The following RBFOX2 variants were observed in gnomAD, a reference collection of about 807,000 sequenced individuals.
RBFOX2 encodes RNA binding protein fox-1 homolog 2.
A neutral mutation model predicts 49.1 loss-of-function variants in RBFOX2; 10 were observed. The observed-to-expected ratio is 0.20, with a 90% confidence interval of 0.13 to 0.35. The LOEUF (loss-of-function observed/expected upper bound fraction) is 0.35, where lower values mean the gene tolerates loss of function less well. Among genes scored for constraint, RBFOX2 ranks in the 10% least tolerant of loss-of-function variants. The pLI is 1.00. For synonymous variants in RBFOX2, 183 were observed against 187.4 expected, an observed-to-expected ratio of 0.98 and a Z score of 0.19; for missense variants, 323 against 486.9, an observed-to-expected ratio of 0.66 and a Z score of 3.17.
At chr22:36,013,004 T>C (rs185776516) in intron 1 of RBFOX2, among the ~76,000 whole-genome samples, 11 of 152,250 alleles carry the variant, frequency 7.2e-5, no homozygotes, top group Middle Eastern at 3.4e-3. Context: ...GACCTCGTGA[T>C]TCGCCCGCCT....
intron 1 of RBFOX2, chr22:35,998,020 C>T (rs1406901958): frequency 1.3e-5 from 2 of 152,042 alleles, no homozygotes; most frequent in Non-Finnish European, 2.9e-5. Flanking sequence ...AAAATAATGA[C>T]ATCTTTGTTA....
intron 2 of RBFOX2, among the ~76,000 whole-genome samples, chr22:35,782,575 C>A (rs1287381318): frequency 1.3e-5 from 2 of 152,236 alleles, no homozygotes; most frequent in Non-Finnish European, 2.9e-5. Flanking sequence ...CCCGCCTTGG[C>A]CTTCCAAAGT....
intron 1 of RBFOX2, among the ~76,000 whole-genome samples, chr22:35,920,600 A>G (rs528533613): frequency 3.7e-4 from 56 of 152,326 alleles, no homozygotes; most frequent in Non-Finnish European, 6.8e-4. Context: ...CACTCTGGAC[A>G]AATTGTTTAC....
chr22:35,913,295 T>C (rs5750199), intron 1 of RBFOX2, among the ~76,000 whole-genome samples: 11,558 of 152,070 alleles, frequency 0.076, 448 homozygotes, highest in South Asian at 0.086. Context: ...CTGGGCAACA[T>C]AGTGAGACTC....
At chr22:35,840,235 T>A in exon 1 of RBFOX2, 1 of 1,614,166 alleles carries the variant, frequency 6.2e-7, no homozygotes, top group Non-Finnish European at 8.5e-7. Context: ...AACGGATAGA[T>A]GATAAACCTT....
chr22:35,973,098 T>G (rs1259086140), intron 1 of RBFOX2, among the ~76,000 whole-genome samples: 1 of 152,178 alleles, frequency 6.6e-6, no homozygotes, highest in Non-Finnish European at 1.5e-5. Flanking sequence ...GTTTATAATC[T>G]ACAGGCAACA....
At chr22:36,015,202 T>C (rs2058986733) in intron 1 of RBFOX2, among the ~76,000 whole-genome samples, 1 of 152,056 alleles carries the variant, frequency 6.6e-6, no homozygotes, top group African/African-American at 2.4e-5. Flanking sequence ...TTAATAAGAG[T>C]CATGTATGAA....
At position 35,752,054 on chromosome 22, in the gene RBFOX2, AAAGGAGAAGAGGCC is replaced by A. The variant is rs368983192; in HGVS notation, c.888-5507_888-5494del. ...ATGAACTCACTGATCTTCTTAGGTG[AAAGGAGAAGAGGCC>A]AAGGGAAATGCATGTCTCAATGTTT... On this transcript the variant is annotated intron_variant, in intron 9 of 11. Coordinates refer to ENST00000405409, the Ensembl canonical transcript of RBFOX2. Among the ~76,000 whole-genome samples the A allele has an allele frequency of 7.9e-5, 12 of 152,348 alleles. No individual in the cohort carries two copies. The East Asian group carries it at 2.3e-3, about 29-fold the overall frequency.
chr22:35,857,857 A>G lies in RBFOX2; in HGVS notation c.-33-47853T>C, dbSNP rs573861788. On this transcript the variant is annotated intron_variant, in intron 1 of 13. Coordinates refer to the RBFOX2 transcript ENST00000359369. ...AACAGAGGATAAAAAGATTAAGCAT[A>G]ATCGTGTACTATTCACAAAAGCCAG... Among the ~76,000 whole-genome samples, 4 of 152,372 alleles carry G rather than the reference A, an allele frequency of 2.6e-5. No individual in the cohort carries two copies. The East Asian group carries it at 7.7e-4, about 29-fold the overall frequency.
At chr22:35,840,691 G>A (rs1267997096), upstream of RBFOX2, 4 of 914,714 alleles carry the variant, frequency 4.4e-6, no homozygotes, top group Non-Finnish European at 5.3e-6. Context: ...CAAGCGCCAT[G>A]TGCTGGCATA....
At chr22:35,792,360 GAAAAGA>G (rs1213070835) in intron 2 of RBFOX2, among the ~76,000 whole-genome samples, 2 of 114,446 alleles carry the variant, frequency 1.7e-5, no homozygotes, top group South Asian at 2.9e-4. Flanking sequence ...GAAAAGAAAA[GAAAAGA>G]AAAAGAAAAA....
At chr22:36,025,068 A>C (rs1278041303) in intron 1 of RBFOX2, among the ~76,000 whole-genome samples, 12 of 152,144 alleles carry the variant, frequency 7.9e-5, no homozygotes, top group Admixed American at 7.9e-4. Context: ...TCAGTCTCCC[A>C]AAGTGCTGGG....
At chr22:35,877,028 T>C (rs1459927567) in intron 1 of RBFOX2, among the ~76,000 whole-genome samples, 1 of 151,900 alleles carries the variant, frequency 6.6e-6, no homozygotes, top group Admixed American at 6.6e-5. Flanking sequence ...GAGGAAGGAG[T>C]AGGAGTACTT....
chr22:35,938,332 G>A (rs1475405812), intron 1 of RBFOX2, among the ~76,000 whole-genome samples: 4 of 152,130 alleles, frequency 2.6e-5, no homozygotes, highest in Admixed American at 2.6e-4. Context: ...ATAGGGCCTG[G>A]GCTTTTCCAG....
intron 1 of RBFOX2, chr22:35,836,434 T>G (rs1603370805): frequency 6.6e-6 from 1 of 152,398 alleles, no homozygotes; most frequent in East Asian, 1.9e-4. Context: ...GACTTCAGCC[T>G]TCCAGCTACA....
intron 1 of RBFOX2, among the ~76,000 whole-genome samples, chr22:35,905,429 A>T (rs2049019259): frequency 6.6e-6 from 1 of 152,322 alleles, no homozygotes; most frequent in African/African-American, 2.4e-5. Context: ...AAAACCATTT[A>T]AAAATGCCCA....
intron 1 of RBFOX2, among the ~76,000 whole-genome samples, chr22:35,852,061 AT>A (rs1357575946): frequency 7.1e-6 from 1 of 139,952 alleles, no homozygotes; most frequent in Non-Finnish European, 1.5e-5. Context: ...GTGAAAAGCA[AT>A]AAAAAAAACC....
At chr22:35,948,877 ATATT>A (rs2054603740) in intron 1 of RBFOX2, among the ~76,000 whole-genome samples, 1 of 152,120 alleles carries the variant, frequency 6.6e-6, no homozygotes, top group South Asian at 2.1e-4. Context: ...AGCATTAAGT[ATATT>A]TATATTGTTG....
chr22:35,878,042 ACAC>A (rs1569445656), intron 1 of RBFOX2, among the ~76,000 whole-genome samples: 6 of 51,120 alleles, frequency 1.2e-4, no homozygotes, highest in African/African-American at 6.7e-4. Flanking sequence ...CTACTACTAC[ACAC>A]ACACACACAC....
Sources: gnomAD v4.1 joint callset for allele counts (sites outside exome capture counted in the v4.1 genomes callset) on GRCh38, gnomAD v4.1.1 for gene constraint, MANE v1.5 for transcripts, NCBI Gene and HGNC (gene_info 2026-07-23, HGNC 2026-07-21) for gene names.